Variants in DYRK1A observed in about 807,000 individuals in gnomAD.
The protein encoded by DYRK1A is dual specificity tyrosine phosphorylation regulated kinase 1A.
A neutral mutation model predicts 79.7 loss-of-function variants in DYRK1A; 9 were observed. The ratio of observed to expected loss-of-function variants is 0.11; its 90% CI spans 0.07 to 0.20. DYRK1A has a LOEUF of 0.20. DYRK1A is among the 10% of genes least tolerant of loss of function. The pLI is 1.00. For synonymous variants in DYRK1A, 349 were observed against 329.7 expected (o/e 1.06, Z -0.63); for missense variants, 622 against 956.0 (o/e 0.65, Z 4.61).
At chr21:37,490,837 G>A (rs2053066688) in intron 7 of DYRK1A, among the ~76,000 whole-genome samples, 1 of 152,090 alleles carries the variant, frequency 6.6e-6, no homozygotes, top group African/African-American at 2.4e-5. Context: ...TTAAGGGAGA[G>A]AATAGGAGAT....
chr21:37,500,159 T>G (rs1158471764), intron 9 of DYRK1A, among the ~76,000 whole-genome samples: 1 of 152,114 alleles, frequency 6.6e-6, no homozygotes, highest in South Asian at 2.1e-4. Context: ...CAGTTTTGTT[T>G]TTTCAACTGT....
chr21:37,436,831 G>T (rs9974163), intron 2 of DYRK1A, among the ~76,000 whole-genome samples: 1 of 152,096 alleles, frequency 6.6e-6, no homozygotes, highest in Admixed American at 6.6e-5. Flanking sequence ...CAGTCAGAGG[G>T]GACCTAGATA....
chr21:37,373,859 T>G (rs571639929), intron 1 of DYRK1A, among the ~76,000 whole-genome samples: 1 of 152,342 alleles, frequency 6.6e-6, no homozygotes, highest in African/African-American at 2.4e-5. Flanking sequence ...GATTAAACAT[T>G]GCCTGTTACA....
Position 37,521,795 on chromosome 21 carries a change from G to A in DYRK1A, c.*9264G>A, listed in dbSNP as rs532008163. The A allele has an allele frequency of 6.6e-6, 1 of 152,398 alleles. No individual in the cohort carries two copies. Among genetic ancestry groups the A allele is most frequent in the South Asian group, 2.1e-4 (1 of 4,826 alleles). 9.4% of individuals were successfully genotyped at this position (152,398 alleles called of 1,614,324 possible). A position where few individuals can be genotyped will look rare whatever the true frequency, so the allele number is the denominator to read the frequency against. ...AGTGGACAGAGTCGAGAGCTATTTAGGAAGGAGAGCTGACAGACCTCGGGG... is the reference window on the plus strand; with the variant it reads ...AGTGGACAGAGTCGAGAGCTATTTAAGAAGGAGAGCTGACAGACCTCGGGG... On this transcript the variant is annotated 3_prime_UTR_variant, in exon 12 of 12. Transcript: ENST00000647188.
In DYRK1A at chr21:37,518,134, CCT is replaced by C. The variant is rs1362493454; in HGVS notation, c.*5607_*5608del. On this transcript the variant is annotated 3_prime_UTR_variant, in exon 12 of 12. Coordinates refer to ENST00000647188, the MANE Select transcript of DYRK1A (RefSeq NM_001347721.2). The stretch of plus-strand genomic sequence containing the variant: ...GCCTCAAGTGATCCTCCAGCCTGGG[CCT>C]CTCAAACATAAATAGGCTGGGCGTG... 6.6e-6 allele frequency: 1 copy of C among 152,188 alleles called. No homozygotes were observed. The highest frequency in any genetic ancestry group is 1.5e-5 in the Non-Finnish European group (1 of 68,068). The allele number at this position is 152,188 out of a possible 1,614,324, so 9.4% of individuals were successfully genotyped here.
chr21:37,433,776 C>A (rs2050843952), intron 2 of DYRK1A, among the ~76,000 whole-genome samples: 4 of 152,190 alleles, frequency 2.6e-5, no homozygotes, highest in Admixed American at 2.6e-4. Flanking sequence ...TTCATATGGA[C>A]AAGAAACCAA....
At chr21:37,443,165 T>C (rs1174715795) in intron 2 of DYRK1A, among the ~76,000 whole-genome samples, 1 of 151,916 alleles carries the variant, frequency 6.6e-6, no homozygotes, top group Non-Finnish European at 1.5e-5. Context: ...CCCCTTTCTT[T>C]TAGAGACAGG....
chr21:37,454,110 T>TTTTTTTTTA (rs869222930), intron 2 of DYRK1A, among the ~76,000 whole-genome samples: 4 of 101,674 alleles, frequency 3.9e-5, no homozygotes, highest in African/African-American at 6.8e-5. Context: ...TTTTTTTTTT[T>TTTTTTTTTA]GAGACAAGGT....
intron 1 of DYRK1A, among the ~76,000 whole-genome samples, chr21:37,390,300 G>C (rs1250518550): frequency 6.6e-6 from 1 of 152,128 alleles, no homozygotes; most frequent in African/African-American, 2.4e-5. Context: ...GAGAAAACTT[G>C]CAGGTATGGT....
In DYRK1A at chr21:37,490,886, C is replaced by G. The variant is rs1197165736; in HGVS notation, c.924+425C>G. On this transcript the variant is annotated intron_variant, in intron 7 of 11. Transcript: ENST00000647188. ...ATTAGGGGATTTGTAACTATATTTC[C>G]CAAGTAAAGGTTTTAGTATAAATTT... Among the ~76,000 whole-genome samples, 8 of 151,780 alleles carry G rather than the reference C, an allele frequency of 5.3e-5. No individual in the cohort carries two copies. The East Asian group carries it at 1.6e-3, about 29-fold the overall frequency.
intron 1 of DYRK1A, among the ~76,000 whole-genome samples, chr21:37,389,948 G>A (rs1280123431): frequency 6.7e-6 from 1 of 149,720 alleles, no homozygotes; most frequent in African/African-American, 2.5e-5. Flanking sequence ...TTTAGAGACA[G>A]GGTGTTGCTC....
Position 37,452,494 on chromosome 21 carries a change from GAC to G in DYRK1A, c.11-20186_11-20185del, listed in dbSNP as rs2051486634. Among the ~76,000 whole-genome samples, 3 of 152,294 alleles carry G rather than the reference GAC, an allele frequency of 2.0e-5. No individual in the cohort carries two copies. The South Asian group carries it at 6.2e-4, about 32-fold the overall frequency. The stretch of plus-strand genomic sequence containing the variant: ...TACTGCCTGCTCCCCAGCCTGTGCA[GAC>G]ACAGTTAAATATAGCATGCCGTGCT... On this transcript the variant is annotated intron_variant, in intron 2 of 11. Coordinates refer to ENST00000647188, the MANE Select transcript of DYRK1A (RefSeq NM_001347721.2).
chr21:37,447,754 A>G (rs1399434188), intron 2 of DYRK1A, among the ~76,000 whole-genome samples: 1 of 152,122 alleles, frequency 6.6e-6, no homozygotes, highest in African/African-American at 2.4e-5. Context: ...GGTGGGTGGA[A>G]CTTAGCAGTG....
intron 11 of DYRK1A, chr21:37,506,443 G>A (rs2053602677): frequency 2.9e-6 from 4 of 1,384,376 alleles, no homozygotes; most frequent in Non-Finnish European, 3.9e-6. Flanking sequence ...CATAACAGTT[G>A]TTGTTTTGAA....
intron 2 of DYRK1A, among the ~76,000 whole-genome samples, chr21:37,435,891 T>C (rs2050910398): frequency 6.6e-6 from 1 of 152,210 alleles, no homozygotes; most frequent in African/African-American, 2.4e-5. Flanking sequence ...CCTCCTGCTA[T>C]TACTTTTCTA....
At chr21:37,389,064 G>C (rs1010498655) in intron 1 of DYRK1A, among the ~76,000 whole-genome samples, 24 of 151,430 alleles carry the variant, frequency 1.6e-4, no homozygotes, top group African/African-American at 5.6e-4. Context: ...TTTTTTAAGA[G>C]ATGGAGTCTT....
intron 11 of DYRK1A, chr21:37,506,458 T>C: frequency 7.8e-7 from 1 of 1,283,358 alleles, no homozygotes; most frequent in Admixed American, 2.7e-5. Context: ...TTTGAACAGT[T>C]TTTTTCCTGT....
chr21:37,522,894 G>C lies in DYRK1A; in HGVS notation c.*10363G>C, dbSNP rs1024142298. The C allele has an allele frequency of 6.6e-6, 1 of 152,368 alleles. No individual in the cohort carries two copies. The highest frequency in any genetic ancestry group is 2.4e-5 in the African/African-American group (1 of 41,452). 9.4% of individuals were successfully genotyped at this position (152,368 alleles called of 1,614,324 possible). On this transcript the variant is annotated 3_prime_UTR_variant, in exon 12 of 12. Coordinates refer to ENST00000647188, the MANE Select transcript of DYRK1A (RefSeq NM_001347721.2). ...CTCTGCTTCCGCTTTCCCCACTGCTGGTTCAGGCTGTCTGCAGCAGCAGCA... is the reference window on the plus strand; with the variant it reads ...CTCTGCTTCCGCTTTCCCCACTGCTCGTTCAGGCTGTCTGCAGCAGCAGCA...
At chr21:37,387,962 G>T (rs570012983) in intron 1 of DYRK1A, among the ~76,000 whole-genome samples, 2 of 152,154 alleles carry the variant, frequency 1.3e-5, no homozygotes, top group Admixed American at 1.3e-4. Context: ...AATATAATGA[G>T]CTCCTTGTAC....
Sources: gnomAD v4.1 joint callset for allele counts (sites outside exome capture counted in the v4.1 genomes callset) on GRCh38, gnomAD v4.1.1 for gene constraint, MANE v1.5 for transcripts, NCBI Gene and HGNC (gene_info 2026-07-23, HGNC 2026-07-21) for gene names.